The following POLR2F variants were observed in gnomAD, a reference collection of about 807,000 sequenced individuals.
The protein encoded by POLR2F is DNA-directed RNA polymerases I, II, and III subunit RPABC2.
Under a neutral mutation model 22.7 loss-of-function variants are expected in POLR2F, and 12 were observed. That is an observed-to-expected ratio of 0.53 (90% confidence interval 0.34 to 0.86). The LOEUF (loss-of-function observed/expected upper bound fraction) is 0.86. POLR2F is among the 40% of genes least tolerant of loss of function. POLR2F has a pLI of 0.02. For synonymous variants in POLR2F, 57 were observed against 66.0 expected (o/e 0.86, Z 0.66); for missense variants, 126 against 171.5 (o/e 0.73, Z 1.48).
rs548620623 is a variant in POLR2F at position 38,011,770 on chromosome 22, CT to C, written c.121-14097del. Among the ~76,000 whole-genome samples, 545 of 151,576 alleles carry C rather than the reference CT, an allele frequency of 3.6e-3. 3 individuals carry two copies. The highest frequency in any genetic ancestry group is 0.012 in the African/African-American group (496 of 41,402). On this transcript the variant is annotated intron_variant, in intron 1 of 2. Transcript: ENST00000333418. ...GTTTCCATATAAATTTCAAAATCAGCTTGTTAATTTCTTCAAAAAAAGCTTG... is the reference window on the plus strand; with the variant it reads ...GTTTCCATATAAATTTCAAAATCAGCTGTTAATTTCTTCAAAAAAAGCTTG...
At position 37,953,714 on chromosome 22, in the gene POLR2F, C is replaced by T. The variant is rs1285586439; in HGVS notation, c.-74C>T. 4.5e-6 allele frequency: 7 copies of T among 1,548,684 alleles called. No individual in the cohort carries two copies. Among genetic ancestry groups the T allele is most frequent in the Non-Finnish European group, 6.1e-6 (7 of 1,144,424 alleles). ...GGCGCAAGATAAGCTAGGAGCCGCG[C>T]GAGTCGTAGTGTCGCTGTTTGCGGG... On this transcript the variant is annotated 5_prime_UTR_variant, in exon 1 of 5. Coordinates refer to ENST00000442738, the MANE Select transcript of POLR2F (RefSeq NM_021974.5).
chr22:37,972,090 G>T (rs1279744814), downstream of POLR2F: 2 of 329,802 alleles, frequency 6.1e-6, no homozygotes, highest in Admixed American at 8.3e-5. Context: ...AGAGGGGGAG[G>T]GGGGAGAGAG....
chr22:37,963,175 C>T (rs901488740), intron 3 of POLR2F, among the ~76,000 whole-genome samples: 2 of 151,656 alleles, frequency 1.3e-5, no homozygotes, highest in African/African-American at 4.9e-5. Flanking sequence ...TTAGTAGGGA[C>T]GGGGTTTCAC....
At chr22:38,019,784 G>A (rs2084944518) in intron 1 of POLR2F, among the ~76,000 whole-genome samples, 1 of 152,222 alleles carries the variant, frequency 6.6e-6, no homozygotes, top group Non-Finnish European at 1.5e-5. Flanking sequence ...GGAGATGGAG[G>A]CAGGTGGATC....
intron 3 of POLR2F, among the ~76,000 whole-genome samples, chr22:37,963,725 A>T (rs570131775): frequency 6.6e-6 from 1 of 152,224 alleles, no homozygotes; most frequent in Non-Finnish European, 1.5e-5. Context: ...AAACAAATAG[A>T]CTGCTTATTT....
chr22:38,016,157 G>T lies in POLR2F; in HGVS notation c.121-9712G>T, dbSNP rs1387594614. On this transcript the variant is annotated intron_variant, in intron 1 of 2. Transcript: ENST00000333418. This position sits in a 1 kb window ranked among gnomAD's most constrained non-coding sequence, Gnocchi z 4.4. The stretch of plus-strand genomic sequence containing the variant: ...CCCCCTGCGTCTGGCCAGGGACTCA[G>T]CACCCACTGGGGCATCAGCGAATCT... Among the ~76,000 whole-genome samples, 2 of 152,214 alleles carry T rather than the reference G, an allele frequency of 1.3e-5. No individual in the cohort carries two copies. Among genetic ancestry groups the T allele is most frequent in the Non-Finnish European group, 2.9e-5 (2 of 68,034 alleles).
intron 1 of POLR2F, among the ~76,000 whole-genome samples, chr22:38,020,147 G>A (rs889094690): frequency 6.6e-5 from 10 of 150,976 alleles, no homozygotes; most frequent in Admixed American, 1.3e-4. Flanking sequence ...CCAGGAGTTC[G>A]AGATCAGCCT....
upstream of POLR2F, chr22:37,985,246 C>T (rs1381468990): frequency 1.3e-5 from 2 of 152,256 alleles, no homozygotes; most frequent in African/African-American, 4.8e-5. Flanking sequence ...GGGGCCCTCT[C>T]TCAGTAGGTC....
upstream of POLR2F, among the ~76,000 whole-genome samples, chr22:37,985,903 T>C (rs942567645): frequency 2.0e-5 from 3 of 151,662 alleles, no homozygotes; most frequent in East Asian, 1.9e-4. Flanking sequence ...GTCTGGGGCC[T>C]CGGAGCCCAG....
At chr22:38,013,095 CCTTCCCTTCCTTCCCT>C (rs2084885858) in intron 1 of POLR2F, among the ~76,000 whole-genome samples, 1 of 150,364 alleles carries the variant, frequency 6.7e-6, no homozygotes, top group Non-Finnish European at 1.5e-5. Flanking sequence ...TCCTTCCCTT[CCTTCCCTTCCTTCCCT>C]TCCTTCCCTT....
downstream of POLR2F, chr22:37,973,486 G>C: frequency 6.4e-7 from 1 of 1,555,610 alleles, no homozygotes; most frequent in Non-Finnish European, 8.7e-7. Flanking sequence ...GGTGGCGACA[G>C]GGCCCCCTTT....
chr22:38,002,942 G>T (rs2084787132), intron 1 of POLR2F, among the ~76,000 whole-genome samples: 1 of 152,042 alleles, frequency 6.6e-6, no homozygotes, highest in South Asian at 2.1e-4. Flanking sequence ...AGCCAGAATG[G>T]TCTCGATCTC....
At chr22:38,018,804 G>A (rs889341303) in intron 1 of POLR2F, among the ~76,000 whole-genome samples, 1 of 152,158 alleles carries the variant, frequency 6.6e-6, no homozygotes, top group African/African-American at 2.4e-5. Context: ...ATGCAGGAGG[G>A]TGTCCTCTCT....
At chr22:37,961,695 A>G (rs1398393571) in intron 3 of POLR2F, among the ~76,000 whole-genome samples, 1 of 152,192 alleles carries the variant, frequency 6.6e-6, no homozygotes, top group Non-Finnish European at 1.5e-5. Flanking sequence ...GGGACTTTCA[A>G]AGAGGCTGGG....
chr22:38,003,033 A>T (rs1484290845), intron 1 of POLR2F, among the ~76,000 whole-genome samples: 1 of 151,934 alleles, frequency 6.6e-6, no homozygotes, highest in East Asian at 1.9e-4. Flanking sequence ...CCAACTTTTG[A>T]GTCTTGACGT....
intron 5 of POLR2F, among the ~76,000 whole-genome samples, chr22:38,037,214 A>T (rs549530593): frequency 3.3e-5 from 5 of 152,148 alleles, no homozygotes; most frequent in Admixed American, 6.5e-5. Flanking sequence ...GGAAGGAAGG[A>T]AGGACTGACC....
At chr22:37,957,482 CTAGGTGGA>C (rs1931447458) in intron 2 of POLR2F, among the ~76,000 whole-genome samples, 1 of 152,138 alleles carries the variant, frequency 6.6e-6, no homozygotes, top group Middle Eastern at 3.2e-3. Context: ...GCTTGAGCAA[CTAGGTGGA>C]TAGGTTGCCA....
At chr22:38,025,155 A>G (rs2084995119) in intron 1 of POLR2F, among the ~76,000 whole-genome samples, 1 of 151,870 alleles carries the variant, frequency 6.6e-6, no homozygotes, top group East Asian at 1.9e-4. Flanking sequence ...CATATATTTG[A>G]CCATTTCAGG....
rs3026641 is a variant in POLR2F at position 37,968,198 on chromosome 22, G to A, written c.*483G>A. ...GCTTCGAGCCTCTTATCGTGGGCTC[G>A]GATCCCCTTTCAGGAGCAGTGCCCC... On this transcript the variant is annotated 3_prime_UTR_variant, in exon 5 of 5. Transcript: ENST00000442738. The A allele has an allele frequency of 0.29, 288,894 of 985,102 alleles. 44,811 individuals carry two copies. The highest frequency in any genetic ancestry group is 0.31 in the Admixed American group (5,091 of 16,264). The allele number at this position is 985,102 out of a possible 1,614,324, so 61.0% of individuals were successfully genotyped here.
Sources: gnomAD v4.1 joint callset for allele counts (sites outside exome capture counted in the v4.1 genomes callset) on GRCh38, gnomAD v4.1.1 for gene constraint, Gnocchi (gnomAD v3.1) non-coding constraint, MANE v1.5 for transcripts, NCBI Gene and HGNC (gene_info 2026-07-23, HGNC 2026-07-21) for gene names.